DIP2C: variants seen among roughly 807,000 people sequenced by gnomAD.
The protein encoded by DIP2C is disco-interacting protein 2 homolog C.
Under a neutral mutation model 192.4 loss-of-function variants are expected in DIP2C, and 33 were observed. The observed-to-expected ratio is 0.17, with a 90% CI of 0.13 to 0.23. DIP2C has a LOEUF of 0.23. Ranked by LOEUF, DIP2C falls within the 10% of genes least tolerant of loss-of-function variation. The pLI is 1.00. For synonymous variants in DIP2C, 979 were observed against 864.1 expected, an observed-to-expected ratio of 1.13 and a Z score of -2.33; for missense variants, 1,537 against 2,110.1, an observed-to-expected ratio of 0.73 and a Z score of 5.32.
At chr10:303,728 G>T (rs1413719783) in intron 32 of DIP2C, among the ~76,000 whole-genome samples, 1 of 152,076 alleles carries the variant, frequency 6.6e-6, no homozygotes, top group Non-Finnish European at 1.5e-5. Flanking sequence ...CCTCCATGTT[G>T]GTCAGGCTGG....
chr10:486,316 G>A (rs957590940), intron 2 of DIP2C, 143 bp downstream of exon 2: 1 of 683,006 alleles, frequency 1.5e-6, no homozygotes, highest in Non-Finnish European at 2.5e-6. Flanking sequence ...ATCACTCAAA[G>A]GAACTGAATG....
At chr10:299,726 A>AT (rs1202375680) in intron 32 of DIP2C, among the ~76,000 whole-genome samples, 1 of 152,158 alleles carries the variant, frequency 6.6e-6, no homozygotes, top group Non-Finnish European at 1.5e-5. Flanking sequence ...TGAAAGCAAG[A>AT]TTTGCAAATC....
chr10:483,511 C>T lies in DIP2C; in HGVS notation c.157+2948G>A, dbSNP rs541486201. On this transcript the variant is annotated intron_variant, in intron 2 of 36. Transcript: ENST00000280886. ...GGGCCCTAGCACCGCTGTCCGGAGT[C>T]CCCCCATCCTGAGTCTGGTGTCTGG... Among the ~76,000 whole-genome samples, 6 of 148,748 alleles carry T rather than the reference C, an allele frequency of 4.0e-5. No homozygotes were observed. In the South Asian group the frequency reaches 1.2e-3, roughly 30 times the overall value.
At chr10:357,655 AGACTGTCGGGAAAGTCGGG>A (rs756876465) in intron 23 of DIP2C, among the ~76,000 whole-genome samples, 154 bp downstream of exon 23, 81 of 152,310 alleles carry the variant, frequency 5.3e-4, no homozygotes, top group Admixed American at 1.2e-3. Context: ...GCGACATCGG[AGACTGTCGGGAAAGTCGGG>A]GACTGTCGGG....
intron 1 of DIP2C, among the ~76,000 whole-genome samples, chr10:621,190 AAAC>A (rs1853824201): frequency 6.6e-6 from 1 of 152,160 alleles, no homozygotes; most frequent in Non-Finnish European, 1.5e-5. Flanking sequence ...GCCACTTACC[AAAC>A]AACATAAGCA....
rs76264687 is a variant in DIP2C, at chr10:350,383, A to T, written c.2986-929T>A. ...GACAAATGTGAATAAATTACAAATT[A>T]TAAGCACGTAACTAACCGAAACAAG... On this transcript the variant is annotated intron_variant, in intron 24 of 36. Transcript: ENST00000280886. Among the ~76,000 whole-genome samples the T allele has an allele frequency of 3.3e-5, 5 of 152,368 alleles. No homozygotes were observed. In the East Asian group the frequency reaches 9.6e-4, roughly 29 times the overall value.
At chr10:476,245 T>G (rs1843020807) in intron 2 of DIP2C, among the ~76,000 whole-genome samples, 1 of 152,098 alleles carries the variant, frequency 6.6e-6, no homozygotes, top group Non-Finnish European at 1.5e-5. Flanking sequence ...GAGGTTCTCC[T>G]CCCAGGAGCA....
chr10:531,766 A>G (rs1847383750), intron 1 of DIP2C, among the ~76,000 whole-genome samples: 1 of 152,214 alleles, frequency 6.6e-6, no homozygotes, highest in Admixed American at 6.5e-5. Flanking sequence ...GGAACCTCAG[A>G]GGAACACGGA....
At chr10:611,290 C>T (rs1414879419) in intron 1 of DIP2C, among the ~76,000 whole-genome samples, 1 of 152,202 alleles carries the variant, frequency 6.6e-6, no homozygotes, top group Non-Finnish European at 1.5e-5. Context: ...GAAGCCTGTA[C>T]AGCCCACAGA....
intron 9 of DIP2C, among the ~76,000 whole-genome samples, chr10:404,855 T>C (rs891476890): frequency 8.5e-5 from 13 of 152,238 alleles, no homozygotes; most frequent in African/African-American, 3.1e-4. Context: ...TTCTTCAAAC[T>C]ATCCGAGGTT....
At position 490,163 on chromosome 10, in the gene DIP2C, G is replaced by A. The variant is rs554316104; in HGVS notation, c.86-3633C>T. Among the ~76,000 whole-genome samples, 309 of 132,082 alleles carry A rather than the reference G, an allele frequency of 2.3e-3. 3 individuals are homozygous for A. Among genetic ancestry groups the A allele is most frequent in the African/African-American group, 8.4e-3 (300 of 35,746 alleles). 86.7% of individuals were successfully genotyped at this position (132,082 alleles called of 152,430 possible). On this transcript the variant is annotated intron_variant, in intron 1 of 36. Transcript: ENST00000280886. ...ACACGGTGGCTCTGACAGTGCCCGA[G>A]CCTTCCTCCATTTCACACCAGGGAC... is the stretch of plus-strand genomic sequence containing the variant.
At chr10:432,860 A>G (rs1966883585) in intron 4 of DIP2C, among the ~76,000 whole-genome samples, 1 of 152,154 alleles carries the variant, frequency 6.6e-6, no homozygotes, top group Admixed American at 6.5e-5. Context: ...TTACTTCAAA[A>G]CTTTAAAGAA....
chr10:449,734 A>G (rs1968673818), intron 3 of DIP2C, among the ~76,000 whole-genome samples: 1 of 150,932 alleles, frequency 6.6e-6, no homozygotes, highest in African/African-American at 2.5e-5. Flanking sequence ...ATACATATGT[A>G]ACTAACCTGC....
At chr10:385,352 C>T (rs1962804325) in intron 14 of DIP2C, among the ~76,000 whole-genome samples, 3 of 152,210 alleles carry the variant, frequency 2.0e-5, no homozygotes, top group Admixed American at 6.5e-5. Context: ...AGGTCTCCCT[C>T]GAACTCCACT....
intron 2 of DIP2C, among the ~76,000 whole-genome samples, chr10:482,362 C>T (rs1357405491): frequency 3.9e-5 from 6 of 152,156 alleles, no homozygotes; most frequent in Non-Finnish European, 8.8e-5. Flanking sequence ...GAGGCCTCTT[C>T]CTGGAGAGGC....
intron 24 of DIP2C, among the ~76,000 whole-genome samples, chr10:349,707 A>G (rs1958698315): frequency 6.6e-6 from 1 of 152,218 alleles, no homozygotes; most frequent in Non-Finnish European, 1.5e-5. Context: ...AAACATCTAG[A>G]TATATTTAGA....
chr10:326,880 T>G, intron 31 of DIP2C, 126 bp downstream of exon 31: 2 of 1,169,740 alleles, frequency 1.7e-6, no homozygotes, highest in South Asian at 3.3e-5. Flanking sequence ...CGCATGCGTG[T>G]GACTGAAAGA....
At chr10:623,349 C>T (rs536364077) in intron 1 of DIP2C, among the ~76,000 whole-genome samples, 3 of 151,554 alleles carry the variant, frequency 2.0e-5, no homozygotes. Flanking sequence ...TGCAGCCGTG[C>T]TGGCGAGGGA....
At position 384,649 on chromosome 10, in the gene DIP2C, A is replaced by G; in HGVS notation, c.1663-10T>C. On this transcript the variant is annotated splice_polypyrimidine_tract_variant and intron_variant, in intron 14 of 36. Transcript: ENST00000280886. ...TCATGTTCATGACGCTCTGCAATCA[A>G]CAAAGGAACACGCAGGGTGAGCATG... 1 of 1,613,556 alleles carries G rather than the reference A, an allele frequency of 6.2e-7. No individual in the cohort carries two copies. Among genetic ancestry groups the G allele is most frequent in the Non-Finnish European group, 8.5e-7 (1 of 1,179,856 alleles).
Sources: allele counts gnomAD v4.1 joint callset (sites outside exome capture counted in the v4.1 genomes callset), GRCh38; gene constraint gnomAD v4.1.1; transcripts MANE v1.5; gene names NCBI Gene and HGNC (gene_info 2026-07-23, HGNC 2026-07-21).